CDKN2B-AS1: variants seen among roughly 807,000 people sequenced by gnomAD.
The protein encoded by CDKN2B-AS1 is CDKN2B and CDKN2A antisense cis and trans regulatory RNA 1.
At chr9:22,019,808 G>A (rs576527450) in intron 1 of CDKN2B-AS1, among the ~76,000 whole-genome samples, 1 of 152,228 alleles carries the variant, frequency 6.6e-6, no homozygotes, top group South Asian at 2.1e-4. Context: ...CTTTCCTTCA[G>A]AAAAAGAATA....
intron 4 of CDKN2B-AS1, among the ~76,000 whole-genome samples, chr9:22,082,742 C>A (rs966038581): frequency 6.6e-6 from 1 of 152,152 alleles, no homozygotes; most frequent in African/African-American, 2.4e-5. Flanking sequence ...TGTTTACCAA[C>A]TTCATGTAGA....
chr9:22,048,226 G>GC (rs1226074772), intron 2 of CDKN2B-AS1, among the ~76,000 whole-genome samples: 5 of 152,138 alleles, frequency 3.3e-5, no homozygotes, highest in Admixed American at 1.3e-4. Flanking sequence ...CATTGCCCAT[G>GC]CACTCAGCAG....
At chr9:22,047,728 G>A (rs1823168120) in intron 2 of CDKN2B-AS1, among the ~76,000 whole-genome samples, 1 of 151,938 alleles carries the variant, frequency 6.6e-6, no homozygotes, top group Non-Finnish European at 1.5e-5. Context: ...TTCCCTTTAA[G>A]GAGGTTTTGC....
chr9:22,101,834 A>T (rs1825495735), intron 4 of CDKN2B-AS1, among the ~76,000 whole-genome samples: 1 of 152,166 alleles, frequency 6.6e-6, no homozygotes, highest in Non-Finnish European at 1.5e-5. Context: ...GACTATACCA[A>T]GGATGGGCAG....
At chr9:22,120,536 T>C (rs1449113667) in intron 4 of CDKN2B-AS1, 2 of 152,152 alleles carry the variant, frequency 1.3e-5, no homozygotes, top group East Asian at 3.9e-4. Context: ...AGATGAAAAG[T>C]GATTTGCCCA....
Position 22,024,608 on chromosome 9 carries a change from C to T in CDKN2B-AS1, n.30-22143C>T, listed in dbSNP as rs1333040106. 2.0e-5 allele frequency among the ~76,000 whole-genome samples: 3 copies of T among 152,312 alleles called. No homozygotes were observed. The East Asian group carries it at 5.8e-4, about 29-fold the overall frequency. ...TACCACAAGAGTGAGGCACTGGCAG[C>T]TGCAGGGCTTGCTGGCTGTGTGCTG... On this transcript the variant is annotated intron_variant and non_coding_transcript_variant, in intron 1 of 4. Coordinates refer to ENST00000650946, the Ensembl canonical transcript of CDKN2B-AS1.
intron 4 of CDKN2B-AS1, among the ~76,000 whole-genome samples, chr9:22,084,269 G>A (rs1824792690): frequency 6.6e-6 from 1 of 152,110 alleles, no homozygotes; most frequent in African/African-American, 2.4e-5. Flanking sequence ...TTTCACAAAA[G>A]GGCTGTTCCT....
At chr9:22,004,390 G>C (rs962343466) in intron 1 of CDKN2B-AS1, 1 of 232,028 alleles carries the variant, frequency 4.3e-6, no homozygotes, top group Non-Finnish European at 8.5e-6. Flanking sequence ...TATACACTTT[G>C]TGTTTAATTT....
chr9:22,004,648 A>G, intron 1 of CDKN2B-AS1: 1 of 232,748 alleles, frequency 4.3e-6, no homozygotes. Flanking sequence ...TGGAAATTAA[A>G]TCCCAAAGCA....
At chr9:22,084,583 G>A (rs1316918026) in intron 4 of CDKN2B-AS1, among the ~76,000 whole-genome samples, 1 of 152,058 alleles carries the variant, frequency 6.6e-6, no homozygotes, top group Non-Finnish European at 1.5e-5. Context: ...GTGTGATATG[G>A]GTTTTTGTCT....
At chr9:22,017,483 T>G (rs1821823711) in intron 1 of CDKN2B-AS1, among the ~76,000 whole-genome samples, 1 of 152,224 alleles carries the variant, frequency 6.6e-6, no homozygotes, top group Non-Finnish European at 1.5e-5. Context: ...CACACAGGGT[T>G]TACTGAACTC....
chr9:22,122,002 G>A (rs900547128), intron 4 of CDKN2B-AS1, among the ~76,000 whole-genome samples: 11 of 151,206 alleles, frequency 7.3e-5, no homozygotes, highest in East Asian at 3.9e-4. Context: ...ACTAGTTTAC[G>A]TTCCCACCAA....
chr9:22,011,134 GC>G (rs1311424624), intron 1 of CDKN2B-AS1, among the ~76,000 whole-genome samples: 1 of 152,154 alleles, frequency 6.6e-6, no homozygotes, highest in Non-Finnish European at 1.5e-5. Context: ...TTATACTCAG[GC>G]CTGGGTGGTC....
intron 1 of CDKN2B-AS1, chr9:22,003,247 T>C (rs920761299): frequency 4.1e-5 from 9 of 217,674 alleles, no homozygotes; most frequent in African/African-American, 2.0e-4. Context: ...TGGTAATTGA[T>C]ACCCAATAAT....
rs2131162913 is a variant in CDKN2B-AS1, at chr9:21,999,086, A to G, written n.29+3925A>G. The stretch of plus-strand genomic sequence containing the variant: ...TAAACAGAAACAATGGCATATAACC[A>G]CAAGTGTGGCAAAAAGAAAAAAGAC... On this transcript the variant is annotated intron_variant and non_coding_transcript_variant, in intron 1 of 4. Transcript: ENST00000650946. This position sits in a 1 kb window ranked among gnomAD's most constrained non-coding sequence, Gnocchi z 4.7. Among the ~76,000 whole-genome samples, 1 of 152,264 alleles carries G rather than the reference A, an allele frequency of 6.6e-6. No homozygotes were observed. The highest frequency in any genetic ancestry group is 1.9e-4 in the East Asian group (1 of 5,192).
At chr9:22,112,606 G>A (rs560670057) in intron 4 of CDKN2B-AS1, among the ~76,000 whole-genome samples, 5 of 152,276 alleles carry the variant, frequency 3.3e-5, no homozygotes, top group African/African-American at 1.2e-4. Context: ...TTTATAGAAG[G>A]TAGTAGAATA....
intron 4 of CDKN2B-AS1, among the ~76,000 whole-genome samples, chr9:22,069,867 T>C (rs1419999219): frequency 6.6e-6 from 1 of 152,148 alleles, no homozygotes; most frequent in East Asian, 1.9e-4. Context: ...TTCTATTCCT[T>C]TTTTTGTTTT....
intron 1 of CDKN2B-AS1, among the ~76,000 whole-genome samples, chr9:22,037,980 C>A (rs1455943535): frequency 1.3e-5 from 2 of 151,900 alleles, no homozygotes; most frequent in Non-Finnish European, 2.9e-5. Context: ...CAATGAAAAT[C>A]TGAAGGTACT....
intron 1 of CDKN2B-AS1, among the ~76,000 whole-genome samples, chr9:22,015,939 G>T (rs1296823379): frequency 6.6e-6 from 1 of 152,154 alleles, no homozygotes; most frequent in Non-Finnish European, 1.5e-5. Flanking sequence ...TTTTGATGGG[G>T]TTGTTTGTTT....
Sources: gnomAD v4.1 joint callset for allele counts (sites outside exome capture counted in the v4.1 genomes callset) on GRCh38, gnomAD v4.1.1 for gene constraint, Gnocchi (gnomAD v3.1) non-coding constraint, MANE v1.5 for transcripts, NCBI Gene and HGNC (gene_info 2026-07-23, HGNC 2026-07-21) for gene names.